ARID1B: variants seen among roughly 807,000 people sequenced by gnomAD.
The protein encoded by ARID1B is AT-rich interactive domain-containing protein 1B.
ARID1B carries 30 observed loss-of-function variants against 212.3 expected under a neutral mutation model. The observed-to-expected ratio is 0.14, with a 90% CI of 0.11 to 0.19. The LOEUF is 0.19. Among genes scored for constraint, ARID1B ranks in the 10% least tolerant of loss-of-function variants. The probability of loss-of-function intolerance (pLI) is 1.00; values close to 1 mark genes in which losing one functional copy is unlikely to be tolerated. For synonymous variants in ARID1B, 1,402 were observed against 1,301.7 expected, an observed-to-expected ratio of 1.08 and a Z score of -1.66; for missense variants, 2,891 against 3,204.0, an observed-to-expected ratio of 0.90 and a Z score of 2.36.
intron 9 of ARID1B, chr6:157,172,912 A>C (rs1791820026): frequency 6.7e-6 from 1 of 149,994 alleles, no homozygotes; most frequent in Non-Finnish European, 1.5e-5. Context: ...CCTCAGGTTT[A>C]TTTTCATTTG....
intron 4 of ARID1B, among the ~76,000 whole-genome samples, chr6:156,992,013 C>G (rs1261300393): frequency 1.3e-5 from 2 of 152,142 alleles, no homozygotes; most frequent in Non-Finnish European, 2.9e-5. Context: ...TTGTCATGAA[C>G]TCTTGTTATG....
chr6:156,892,910 A>G (rs1244344948), intron 2 of ARID1B, among the ~76,000 whole-genome samples: 1 of 152,220 alleles, frequency 6.6e-6, no homozygotes, highest in Non-Finnish European at 1.5e-5. Flanking sequence ...AATAAAAACA[A>G]TAAGTCTTTC....
chr6:157,037,207 A>G (rs1329309000), intron 4 of ARID1B, among the ~76,000 whole-genome samples: 1 of 152,214 alleles, frequency 6.6e-6, no homozygotes, highest in Non-Finnish European at 1.5e-5. Flanking sequence ...AGATGTTATC[A>G]GAGTGCTGTA....
chr6:157,112,095 C>T lies in ARID1B; in HGVS notation c.2581+1534C>T, dbSNP rs113180527. On this transcript the variant is annotated intron_variant, in intron 6 of 19. Transcript: ENST00000636930. Reference sequence around the variant, plus strand: ...CCATGGAGGTCGAGGTTGCAATGAGCTGTGATCACACCACTGCACTCCACC... The same window carrying T: ...CCATGGAGGTCGAGGTTGCAATGAGTTGTGATCACACCACTGCACTCCACC... Among the ~76,000 whole-genome samples, 1,394 of 152,264 alleles carry T rather than the reference C, an allele frequency of 9.2e-3. 20 individuals are homozygous for T. The highest frequency in any genetic ancestry group is 0.031 in the African/African-American group (1,278 of 41,556).
At chr6:157,204,350 A>G (rs1380161733) in intron 19 of ARID1B, 1 of 170,150 alleles carries the variant, frequency 5.9e-6, no homozygotes. Context: ...TGGAGTCAGC[A>G]TTGGAAACAC....
At chr6:156,813,097 CAT>C (rs200332347) in intron 1 of ARID1B, among the ~76,000 whole-genome samples, 41,902 of 82,810 alleles carry the variant, frequency 0.51, 6,756 homozygotes, top group Non-Finnish European at 0.53. Flanking sequence ...TATATACATA[CAT>C]ATATATATAT....
intron 4 of ARID1B, among the ~76,000 whole-genome samples, chr6:157,084,358 G>A (rs1784830482): frequency 1.3e-5 from 2 of 152,154 alleles, no homozygotes; most frequent in African/African-American, 4.8e-5. Context: ...TCTGTGTTGT[G>A]TGGCATTTTG....
At chr6:156,812,976 G>GTGTGTGTGTGTGTGTA (rs554173642) in intron 1 of ARID1B, among the ~76,000 whole-genome samples, 5 of 104,350 alleles carry the variant, frequency 4.8e-5, no homozygotes, top group South Asian at 3.3e-4. Flanking sequence ...GTGTGTGTGT[G>GTGTGTGTGTGTGTGTA]TATGTATATA....
intron 1 of ARID1B, among the ~76,000 whole-genome samples, chr6:156,783,242 C>T (rs1779401798): frequency 1.3e-5 from 2 of 151,732 alleles, no homozygotes; most frequent in African/African-American, 4.8e-5. Context: ...TAATGCAGAT[C>T]ACACTTGGAC....
chr6:157,095,274 C>G (rs1368082269), intron 5 of ARID1B, among the ~76,000 whole-genome samples: 1 of 152,206 alleles, frequency 6.6e-6, no homozygotes, highest in East Asian at 1.9e-4. Context: ...ACACAACATG[C>G]CTGGGAAAGG....
intron 5 of ARID1B, among the ~76,000 whole-genome samples, chr6:157,103,536 C>G (rs112752957): frequency 0.013 from 1,991 of 152,274 alleles, 53 homozygotes; most frequent in African/African-American, 0.045. Context: ...ATCCACTGTA[C>G]ATTATACATT....
chr6:156,934,395 T>C (rs1428764765), intron 3 of ARID1B, among the ~76,000 whole-genome samples: 1 of 152,164 alleles, frequency 6.6e-6, no homozygotes, highest in Non-Finnish European at 1.5e-5. Context: ...AGCACAATGC[T>C]GAAACCATGC....
intron 4 of ARID1B, among the ~76,000 whole-genome samples, chr6:156,961,503 C>T (rs1021418308): frequency 2.0e-4 from 30 of 152,304 alleles, no homozygotes; most frequent in Admixed American, 1.5e-3. Flanking sequence ...CTCCCGGGTC[C>T]GCTGCGTTGC....
rs1159877305 is a variant in ARID1B, at chr6:157,190,945, G to A, written c.4231+735G>A. 1.3e-5 allele frequency among the ~76,000 whole-genome samples: 2 copies of A among 151,984 alleles called. No homozygotes were observed. The highest frequency in any genetic ancestry group is 2.9e-5 in the Non-Finnish European group (2 of 67,998). ...GGGAATGAGCTTGGTGTATGAGGAG[G>A]TGGTGGGTGTCCAGAGCACAGTGAG... On this transcript the variant is annotated intron_variant, in intron 15 of 19. Coordinates refer to ENST00000636930, the MANE Select transcript of ARID1B (RefSeq NM_001374828.1). This position sits in a 1 kb window ranked among gnomAD's most constrained non-coding sequence, Gnocchi z 4.6.
chr6:156,867,737 A>G (rs977435784), intron 2 of ARID1B, among the ~76,000 whole-genome samples: 1 of 152,172 alleles, frequency 6.6e-6, no homozygotes, highest in African/African-American at 2.4e-5. Flanking sequence ...AAAAAATGTC[A>G]TTTTACCTTA....
At chr6:156,896,917 G>A (rs548670703) in intron 2 of ARID1B, among the ~76,000 whole-genome samples, 3 of 152,264 alleles carry the variant, frequency 2.0e-5, no homozygotes, top group South Asian at 4.1e-4. Context: ...GGAAAAAGGG[G>A]GAGAGGGTAA....
intron 4 of ARID1B, among the ~76,000 whole-genome samples, chr6:157,010,282 T>G (rs1022016492): frequency 5.8e-5 from 4 of 68,704 alleles, no homozygotes; most frequent in African/African-American, 2.2e-4. Flanking sequence ...TTGCCTGTTT[T>G]TTTTTTTTTT....
rs115390133 is a variant in ARID1B at position 156,853,805 on chromosome 6, C to T, written c.1986+24384C>T. ...GGACTGGAGTACAGTGGCACGACCACGGCTCACTGCAGCCTAGGACTCCTG... is the reference window on the plus strand; with the variant it reads ...GGACTGGAGTACAGTGGCACGACCATGGCTCACTGCAGCCTAGGACTCCTG... On this transcript the variant is annotated intron_variant, in intron 2 of 19. Coordinates refer to ENST00000636930, the MANE Select transcript of ARID1B (RefSeq NM_001374828.1). 2.4e-3 allele frequency among the ~76,000 whole-genome samples: 364 copies of T among 152,276 alleles called. 2 individuals are homozygous for T. The highest frequency in any genetic ancestry group is 8.5e-3 in the African/African-American group (352 of 41,560).
intron 4 of ARID1B, chr6:156,985,018 TGA>T (rs1353528334): frequency 6.6e-6 from 1 of 152,210 alleles, no homozygotes; most frequent in Non-Finnish European, 1.5e-5. Context: ...ATACAGAGAC[TGA>T]GAGTAAGACT....
Sources: allele counts gnomAD v4.1 joint callset (sites outside exome capture counted in the v4.1 genomes callset), GRCh38; gene constraint gnomAD v4.1.1; non-coding constraint Gnocchi (gnomAD v3.1); transcripts MANE v1.5; gene names NCBI Gene and HGNC (gene_info 2026-07-23, HGNC 2026-07-21).